Variants in GRIP2 observed in about 807,000 individuals in gnomAD.
GRIP2 encodes glutamate receptor-interacting protein 2.
Under a neutral mutation model 108.3 loss-of-function variants are expected in GRIP2, and 58 were observed. The observed-to-expected ratio is 0.54, with a 90% CI of 0.43 to 0.67. The LOEUF is 0.67. Ranked by LOEUF, GRIP2 falls within the 30% of genes least tolerant of loss-of-function variation. GRIP2 has a pLI of 0.00. For missense variants in GRIP2, 1,278 were observed against 1,430.6 expected, an observed-to-expected ratio of 0.89 and a Z score of 1.72; for synonymous variants, 586 against 598.2, an observed-to-expected ratio of 0.98 and a Z score of 0.30.
rs9817049 is a variant in GRIP2, at chr3:14,551,544, G to A, written c.55+4356C>T. On this transcript the variant is annotated intron_variant, in intron 1 of 23. Coordinates refer to the GRIP2 transcript ENST00000637182. ...GGGAGGAGACTGTCCTGTGGGGAGC[G>A]GGGCTCACTCAGCCTGGAGCAGGGA... Among the ~76,000 whole-genome samples, 900 of 152,152 alleles carry A rather than the reference G, an allele frequency of 5.9e-3. 28 individuals carry two copies. Among genetic ancestry groups the A allele is most frequent in the Admixed American group, 0.049 (756 of 15,288 alleles).
the GRIP2 span, among the ~76,000 whole-genome samples, chr3:14,576,487 G>A: frequency 7.9e-5 from 12 of 152,340 alleles, no homozygotes; most frequent in Non-Finnish European, 1.2e-4. Flanking sequence ...CAAGGAGGGC[G>A]GGGAGAGGCG....
the GRIP2 span, among the ~76,000 whole-genome samples, chr3:14,597,529 C>T: frequency 6.6e-6 from 1 of 152,156 alleles, no homozygotes; most frequent in South Asian, 2.1e-4. Context: ...AAATCTTCTG[C>T]AGCCCTGAGG....
At chr3:14,503,153 C>T (rs1348282021) in intron 21 of GRIP2, among the ~76,000 whole-genome samples, 2 of 152,230 alleles carry the variant, frequency 1.3e-5, no homozygotes, top group Non-Finnish European at 1.5e-5. Context: ...ATGCCGACAA[C>T]CACATTCATG....
chr3:14,545,238 C>T (rs1207222864), upstream of GRIP2, among the ~76,000 whole-genome samples: 3 of 152,386 alleles, frequency 2.0e-5, no homozygotes, highest in East Asian at 5.8e-4. Flanking sequence ...CATTTCATCC[C>T]AGGAACATCT....
In GRIP2 at chr3:14,505,547, G is replaced by A. The variant is rs1363386417; in HGVS notation, c.2573+68C>T. The A allele has an allele frequency of 1.0e-5, 16 of 1,525,042 alleles. No homozygotes were observed. Among genetic ancestry groups the A allele is most frequent in the African/African-American group, 2.8e-5 (2 of 72,636 alleles). 94.5% of individuals were successfully genotyped at this position (1,525,042 alleles called of 1,614,324 possible). A position where few individuals can be genotyped will look rare whatever the true frequency, so the allele number is the denominator to read the frequency against. ...TCCATTCCCCCACCACTTTGGCACAGGCACCCTCGCCCACCCCAGCCAAGA... is the reference window on the plus strand; with the variant it reads ...TCCATTCCCCCACCACTTTGGCACAAGCACCCTCGCCCACCCCAGCCAAGA... On this transcript the variant is annotated intron_variant, in intron 20 of 23. Coordinates refer to ENST00000621039, the MANE Select transcript of GRIP2 (RefSeq NM_001080423.4). This position sits in a 1 kb window ranked among gnomAD's most constrained non-coding sequence, Gnocchi z 4.2.
At chr3:14,524,901 C>G (rs1694512195) in intron 3 of GRIP2, among the ~76,000 whole-genome samples, 1 of 152,206 alleles carries the variant, frequency 6.6e-6, no homozygotes, top group African/African-American at 2.4e-5. Flanking sequence ...TTATCTGCAC[C>G]AGCATTGTGT....
At chr3:14,555,052 A>G (rs1030344737) in intron 1 of GRIP2, among the ~76,000 whole-genome samples, 1 of 152,080 alleles carries the variant, frequency 6.6e-6, no homozygotes, top group Non-Finnish European at 1.5e-5. Flanking sequence ...GGGGTCACAC[A>G]GCCTGGGGGG....
Position 14,540,021 on chromosome 3 carries a change from A to C in GRIP2, c.40+248T>G, listed in dbSNP as rs1204273107. Among the ~76,000 whole-genome samples the C allele has an allele frequency of 6.6e-6, 1 of 151,804 alleles. No individual in the cohort carries two copies. The highest frequency in any genetic ancestry group is 1.5e-5 in the Non-Finnish European group (1 of 67,922). On this transcript the variant is annotated intron_variant, in intron 1 of 23. Transcript: ENST00000621039. The surrounding 1 kb of genome is among the most constrained non-coding windows in gnomAD (Gnocchi z 4.1). Reference sequence around the variant, plus strand: ...TGAGCACTGCCCTCGGAACCTCCAGACCCGCCTGTTCTGCCTGCCTGTGCT... The same window carrying C: ...TGAGCACTGCCCTCGGAACCTCCAGCCCCGCCTGTTCTGCCTGCCTGTGCT...
chr3:14,523,270 AC>A, intron 5 of GRIP2, 195 bp from the exon 6 acceptor site: 1 of 591,242 alleles, frequency 1.7e-6, no homozygotes, highest in East Asian at 2.9e-5. Context: ...GGGTAACATG[AC>A]CAAAGTCTTC....
chr3:14,503,372 C>T (rs1015366854), intron 21 of GRIP2, among the ~76,000 whole-genome samples, 194 bp downstream of exon 21: 1 of 152,272 alleles, frequency 6.6e-6, no homozygotes, highest in Non-Finnish European at 1.5e-5. Flanking sequence ...TGCTCTCAAT[C>T]ACACTTGCAC....
Position 14,491,206 on chromosome 3 carries a change from T to A in GRIP2, c.*2459A>T, listed in dbSNP as rs1035901344. ...ATTTTATTTTAAAAAATCATCCCCA[T>A]GGCACCTACCCCCAAGCCACTGCAA... is the stretch of plus-strand genomic sequence containing the variant. On this transcript the variant is annotated 3_prime_UTR_variant, in exon 24 of 24. Transcript: ENST00000621039. The A allele has an allele frequency of 3.3e-5, 5 of 152,162 alleles. No homozygotes were observed. The highest frequency in any genetic ancestry group is 7.4e-5 in the Non-Finnish European group (5 of 68,022). 9.4% of individuals were successfully genotyped at this position (152,162 alleles called of 1,614,324 possible).
the GRIP2 span, among the ~76,000 whole-genome samples, chr3:14,577,600 T>C: frequency 6.6e-6 from 1 of 152,172 alleles, no homozygotes; most frequent in African/African-American, 2.4e-5. Context: ...GGTTGCTCAT[T>C]CAATTGCTCA....
chr3:14,521,921 C>T lies in GRIP2; in HGVS notation c.567-134G>A, dbSNP rs970592704. 1.8e-5 allele frequency: 12 copies of T among 658,552 alleles called. No individual in the cohort carries two copies. The East Asian group carries it at 2.5e-4, about 14-fold the overall frequency. The allele number at this position is 658,552 out of a possible 1,614,324, so 40.8% of individuals were successfully genotyped here. Reference sequence around the variant, plus strand: ...GTGGGGGAGGAAGGGGAGGAGGGGACGGGTGAAGGGGCGCATGAGTGAGTG... The same window carrying T: ...GTGGGGGAGGAAGGGGAGGAGGGGATGGGTGAAGGGGCGCATGAGTGAGTG... On this transcript the variant is annotated intron_variant, in intron 6 of 23. Coordinates refer to ENST00000621039, the MANE Select transcript of GRIP2 (RefSeq NM_001080423.4). The surrounding 1 kb of genome is among the most constrained non-coding windows in gnomAD (Gnocchi z 5.1).
intron 21 of GRIP2, among the ~76,000 whole-genome samples, chr3:14,501,565 G>A (rs994927735): frequency 3.9e-5 from 6 of 151,918 alleles, no homozygotes; most frequent in African/African-American, 1.5e-4. Flanking sequence ...ATATCGAAAT[G>A]GAAAAATGAA....
rs571931392 is a variant in GRIP2 at position 14,509,974 on chromosome 3, C to T, written c.1934-10G>A. 18 of 1,480,160 alleles carry T rather than the reference C, an allele frequency of 1.2e-5. No homozygotes were observed. Among genetic ancestry groups the T allele is most frequent in the Admixed American group, 2.2e-5 (1 of 44,506 alleles). The allele number at this position is 1,480,160 out of a possible 1,614,324, so 91.7% of individuals were successfully genotyped here. ...GTGGTCTCCAGCTCATCTGCAAGCACGGGGACCCATGAGGAGGAGGCCCCC... is the reference window on the plus strand; with the variant it reads ...GTGGTCTCCAGCTCATCTGCAAGCATGGGGACCCATGAGGAGGAGGCCCCC... On this transcript the variant is annotated splice_polypyrimidine_tract_variant and intron_variant, in intron 16 of 23. Transcript: ENST00000621039.
chr3:14,513,595 G>A (rs1025094751), intron 13 of GRIP2, 70 bp downstream of exon 13: 35 of 1,524,326 alleles, frequency 2.3e-5, no homozygotes, highest in Admixed American at 3.9e-5. Context: ...TTGCACAGGC[G>A]AGGCAGGATA....
At chr3:14,510,352 C>T (rs1390291727) in intron 16 of GRIP2, among the ~76,000 whole-genome samples, 1 of 148,608 alleles carries the variant, frequency 6.7e-6, no homozygotes, top group Non-Finnish European at 1.5e-5. Context: ...CATACCTCTG[C>T]TTCCAGGGTT....
intron 1 of GRIP2, among the ~76,000 whole-genome samples, chr3:14,551,612 G>T (rs1331886352): frequency 6.6e-6 from 1 of 152,194 alleles, no homozygotes; most frequent in Non-Finnish European, 1.5e-5. Flanking sequence ...GCTGTCCCGG[G>T]ACAGGAGAAG....
Position 14,489,243 on chromosome 3 carries a change from T to C in GRIP2, c.*4422A>G, listed in dbSNP as rs1322547075. ...GCAGGGGTTTTTTTCTCTTTTGCTT[T>C]TTAGATAAATATGTATATCAATATT... On this transcript the variant is annotated 3_prime_UTR_variant, in exon 24 of 24. Coordinates refer to ENST00000621039, the MANE Select transcript of GRIP2 (RefSeq NM_001080423.4). The C allele has an allele frequency of 6.6e-6, 1 of 152,616 alleles. No individual in the cohort carries two copies. Among genetic ancestry groups the C allele is most frequent in the Non-Finnish European group, 1.5e-5 (1 of 68,042 alleles). 9.5% of individuals were successfully genotyped at this position (152,616 alleles called of 1,614,324 possible).
Sources: gnomAD v4.1 joint callset for allele counts (sites outside exome capture counted in the v4.1 genomes callset) on GRCh38, gnomAD v4.1.1 for gene constraint, Gnocchi (gnomAD v3.1) non-coding constraint, MANE v1.5 for transcripts, NCBI Gene and HGNC (gene_info 2026-07-23, HGNC 2026-07-21) for gene names.